GATAD2B: variants seen among roughly 807,000 people sequenced by gnomAD.
GATAD2B encodes transcriptional repressor p66-beta.
Under a neutral mutation model 64.3 loss-of-function variants are expected in GATAD2B, and 8 were observed. That is an observed-to-expected ratio of 0.12 (90% CI 0.07 to 0.22). The LOEUF is 0.22. GATAD2B is among the 10% of genes least tolerant of loss of function. The pLI, the probability that GATAD2B is intolerant of heterozygous loss-of-function variation, is 1.00. For synonymous variants in GATAD2B, 281 were observed against 271.3 expected (o/e 1.04, Z -0.35); for missense variants, 453 against 752.0 (o/e 0.60, Z 4.65).
chr1:153,838,426 G>A (rs1476331240), intron 1 of GATAD2B, among the ~76,000 whole-genome samples: 1 of 151,808 alleles, frequency 6.6e-6, no homozygotes, highest in Non-Finnish European at 1.5e-5. Context: ...TTTGTTTTGA[G>A]ATGGAGTTTT....
chr1:153,838,355 G>T (rs1214278237), intron 1 of GATAD2B, among the ~76,000 whole-genome samples: 2 of 152,106 alleles, frequency 1.3e-5, no homozygotes, highest in Admixed American at 6.6e-5. Flanking sequence ...ATAGAAAGAT[G>T]TGCATATAAC....
intron 1 of GATAD2B, among the ~76,000 whole-genome samples, chr1:153,830,722 G>A (rs1172577364): frequency 6.6e-6 from 1 of 151,596 alleles, no homozygotes; most frequent in Non-Finnish European, 1.5e-5. Context: ...TGATCCGCCC[G>A]CCTCGGCCTC....
At chr1:153,876,729 G>T (rs1397073753) in intron 1 of GATAD2B, among the ~76,000 whole-genome samples, 1 of 152,228 alleles carries the variant, frequency 6.6e-6, no homozygotes, top group Non-Finnish European at 1.5e-5. Context: ...AGAGGTCAGG[G>T]CGGTGGCTCA....
chr1:153,810,148 A>G lies in GATAD2B; in HGVS notation c.*29T>C. The G allele has an allele frequency of 6.3e-7, 1 of 1,590,266 alleles. No homozygotes were observed. Reference sequence around the variant, plus strand: ...AAAGAGGAAAGGGATAAAGGATTCAAGGATGGGGCAGTACAAGTGGAACAG... The same window carrying G: ...AAAGAGGAAAGGGATAAAGGATTCAGGGATGGGGCAGTACAAGTGGAACAG... On this transcript the variant is annotated 3_prime_UTR_variant, in exon 11 of 11. Coordinates refer to ENST00000368655, the MANE Select transcript of GATAD2B (RefSeq NM_020699.4).
chr1:153,815,280 C>CAAAAAAAAAAAAAAAAAA (rs1159204191), intron 7 of GATAD2B, among the ~76,000 whole-genome samples: 14 of 66,612 alleles, frequency 2.1e-4, no homozygotes, highest in Non-Finnish European at 3.2e-4. Flanking sequence ...CTCAAAAAAA[C>CAAAAAAAAAAAAAAAAAA]AAAAAAAAAA....
At chr1:153,916,439 CAAT>C (rs925186231) in intron 1 of GATAD2B, among the ~76,000 whole-genome samples, 5 of 152,060 alleles carry the variant, frequency 3.3e-5, no homozygotes, top group African/African-American at 1.2e-4. Flanking sequence ...ACAGAAGTGA[CAAT>C]GATGCTCACA....
intron 3 of GATAD2B, among the ~76,000 whole-genome samples, chr1:153,819,222 T>C (rs907179938): frequency 6.6e-6 from 1 of 152,226 alleles, no homozygotes; most frequent in African/African-American, 2.4e-5. Flanking sequence ...TGTTCCTAAA[T>C]CTCTTAAAGC....
At chr1:153,858,972 C>G (rs1676180826) in intron 1 of GATAD2B, among the ~76,000 whole-genome samples, 1 of 152,006 alleles carries the variant, frequency 6.6e-6, no homozygotes, top group Non-Finnish European at 1.5e-5. Flanking sequence ...GAGGAGGTAA[C>G]AAGTAGAGGT....
intron 1 of GATAD2B, among the ~76,000 whole-genome samples, chr1:153,859,396 G>A (rs1295515029): frequency 4.0e-5 from 6 of 149,196 alleles, no homozygotes; most frequent in South Asian, 2.1e-4. Context: ...AAGGCGAGGC[G>A]AGGCGGCTCA....
intron 1 of GATAD2B, among the ~76,000 whole-genome samples, chr1:153,901,872 T>C (rs1057449851): frequency 1.8e-4 from 26 of 144,358 alleles, no homozygotes; most frequent in African/African-American, 6.6e-4. Flanking sequence ...AAAATGGCCC[T>C]GGTGTCTACA....
intron 1 of GATAD2B, among the ~76,000 whole-genome samples, chr1:153,835,803 A>G (rs1675240095): frequency 6.6e-6 from 1 of 151,510 alleles, no homozygotes; most frequent in Non-Finnish European, 1.5e-5. Context: ...GTTCATTACA[A>G]CCTCTGCCTC....
chr1:153,858,825 A>T (rs1337752005), intron 1 of GATAD2B, among the ~76,000 whole-genome samples: 1 of 152,184 alleles, frequency 6.6e-6, no homozygotes, highest in African/African-American at 2.4e-5. Context: ...TTAGACATGA[A>T]AAGGGGTCAG....
chr1:153,896,051 T>A lies in GATAD2B; in HGVS notation c.-2+26682A>T, dbSNP rs1393883173. Among the ~76,000 whole-genome samples the A allele has an allele frequency of 4.0e-5, 6 of 150,674 alleles. 1 individual carries two copies. The highest frequency in any genetic ancestry group is 8.8e-5 in the Non-Finnish European group (6 of 67,870). On this transcript the variant is annotated intron_variant, in intron 1 of 10. Coordinates refer to ENST00000368655, the MANE Select transcript of GATAD2B (RefSeq NM_020699.4). ...TGTGGCATGCGCCTGTAGTCCCAGC[T>A]CCTCAGGAGGAAGTGGGAGGATCAC...
intron 1 of GATAD2B, among the ~76,000 whole-genome samples, chr1:153,906,596 G>A (rs1036811924): frequency 6.6e-6 from 1 of 151,862 alleles, no homozygotes; most frequent in African/African-American, 2.4e-5. Flanking sequence ...TGTTGGACTT[G>A]ACAATGATTT....
chr1:153,865,392 C>T (rs965487566), intron 1 of GATAD2B, among the ~76,000 whole-genome samples: 1 of 151,952 alleles, frequency 6.6e-6, no homozygotes, highest in Admixed American at 6.6e-5. Context: ...ACATGGGAGG[C>T]GGAGGTTGCA....
chr1:153,837,112 A>G (rs1675294336), intron 1 of GATAD2B, among the ~76,000 whole-genome samples: 1 of 152,214 alleles, frequency 6.6e-6, no homozygotes. Flanking sequence ...ACGAACTTTG[A>G]AAACATTATG....
intron 1 of GATAD2B, among the ~76,000 whole-genome samples, chr1:153,892,163 C>CAAGA (rs1677430814): frequency 2.0e-5 from 1 of 50,336 alleles, no homozygotes; most frequent in East Asian, 5.5e-4. Flanking sequence ...GACTCCGTCT[C>CAAGA]AAAAAAAAAA....
At chr1:153,839,404 C>T (rs1038226870) in intron 1 of GATAD2B, among the ~76,000 whole-genome samples, 2 of 152,112 alleles carry the variant, frequency 1.3e-5, no homozygotes, top group African/African-American at 2.4e-5. Context: ...CTGGTCTTCA[C>T]AAGGCAATGT....
intron 1 of GATAD2B, among the ~76,000 whole-genome samples, chr1:153,884,646 A>G (rs749052436): frequency 5.8e-4 from 88 of 152,210 alleles, no homozygotes; most frequent in Admixed American, 7.2e-4. Context: ...ATATTACTCA[A>G]GTTGTGATAC....
Sources: allele counts gnomAD v4.1 joint callset (sites outside exome capture counted in the v4.1 genomes callset), GRCh38; gene constraint gnomAD v4.1.1; transcripts MANE v1.5; gene names NCBI Gene and HGNC (gene_info 2026-07-23, HGNC 2026-07-21).